The following ANKHD1 variants were observed in gnomAD, a reference collection of about 807,000 sequenced individuals.
The protein encoded by ANKHD1 is ankyrin repeat and KH domain containing 1, also known as ankyrin repeat and KH domain-containing protein 1.
Under a neutral mutation model 230.5 loss-of-function variants are expected in ANKHD1, and 31 were observed. That is an observed-to-expected ratio of 0.13 (90% CI 0.10 to 0.18). ANKHD1 has a LOEUF of 0.18. ANKHD1 is among the 10% of genes least tolerant of loss of function. The probability of loss-of-function intolerance (pLI) is 1.00; values close to 1 mark genes in which losing one functional copy is unlikely to be tolerated. For synonymous variants in ANKHD1, 1,074 were observed against 1,117.6 expected, an observed-to-expected ratio of 0.96 and a Z score of 0.78; for missense variants, 2,256 against 3,071.3, an observed-to-expected ratio of 0.73 and a Z score of 6.27.
intron 15 of ANKHD1, chr5:140,498,336 G>A (rs1265543647): frequency 2.0e-5 from 3 of 152,012 alleles, no homozygotes; most frequent in Non-Finnish European, 4.4e-5. Context: ...TAGTCTTCCT[G>A]ATCTTTACTG....
intron 1 of ANKHD1, among the ~76,000 whole-genome samples, chr5:140,419,139 CTT>C (rs369298829): frequency 3.4e-5 from 5 of 145,482 alleles, no homozygotes; most frequent in Non-Finnish European, 3.0e-5. Context: ...TCTTTTCTCT[CTT>C]TTTTTTTTTT....
chr5:140,470,601 C>A (rs1776417462), intron 10 of ANKHD1, among the ~76,000 whole-genome samples: 1 of 95,576 alleles, frequency 1.0e-5, no homozygotes, highest in Non-Finnish European at 2.3e-5. Flanking sequence ...TTTCTGTATA[C>A]TTGTTTCTGC....
intron 5 of ANKHD1, among the ~76,000 whole-genome samples, chr5:140,443,099 G>T (rs984492785): frequency 2.6e-5 from 4 of 151,640 alleles, no homozygotes; most frequent in Non-Finnish European, 4.4e-5. Flanking sequence ...TAGAGACGGG[G>T]TTTCACCGTG....
chr5:140,471,358 C>T (rs1776483214), intron 10 of ANKHD1, among the ~76,000 whole-genome samples: 1 of 152,072 alleles, frequency 6.6e-6, no homozygotes, highest in Non-Finnish European at 1.5e-5. Context: ...TTGATAGGTT[C>T]CATGTTGGAT....
At chr5:140,445,152 A>G (rs1774176480) in intron 5 of ANKHD1, among the ~76,000 whole-genome samples, 2 of 151,544 alleles carry the variant, frequency 1.3e-5, no homozygotes, top group Admixed American at 6.6e-5. Context: ...GAGCCATCGC[A>G]CCTGGCCAGA....
chr5:140,450,094 A>C (rs181711391), intron 7 of ANKHD1, among the ~76,000 whole-genome samples: 1 of 152,352 alleles, frequency 6.6e-6, no homozygotes, highest in East Asian at 1.9e-4. Flanking sequence ...GTGCAAATAC[A>C]AAGAAACTCA....
chr5:140,500,422 G>A (rs886322430), intron 15 of ANKHD1, among the ~76,000 whole-genome samples: 4 of 151,864 alleles, frequency 2.6e-5, no homozygotes, highest in African/African-American at 4.8e-5. Flanking sequence ...AGAGGCAGGC[G>A]GCGGATCACT....
intron 24 of ANKHD1, 40 bp downstream of exon 24, chr5:140,513,519 A>G: frequency 6.3e-7 from 1 of 1,582,666 alleles, no homozygotes; most frequent in Non-Finnish European, 8.6e-7. Flanking sequence ...GAAATTATTG[A>G]GGGTGGGGGC....
At chr5:140,434,601 AATC>A (rs1773302734) in intron 1 of ANKHD1, among the ~76,000 whole-genome samples, 1 of 151,760 alleles carries the variant, frequency 6.6e-6, no homozygotes, top group Admixed American at 6.6e-5. Flanking sequence ...GCAAAATAAG[AATC>A]ATACTGTTTT....
chr5:140,470,825 T>C (rs1030856092), intron 10 of ANKHD1, among the ~76,000 whole-genome samples: 9 of 151,812 alleles, frequency 5.9e-5, no homozygotes, highest in Admixed American at 3.3e-4. Context: ...CGGGGTTTCA[T>C]CATGTTGCCC....
intron 9 of ANKHD1, among the ~76,000 whole-genome samples, chr5:140,460,394 GAAAAT>G (rs1360673195): frequency 1.3e-5 from 2 of 151,834 alleles, no homozygotes; most frequent in African/African-American, 4.8e-5. Context: ...ATATGTAAAA[GAAAAT>G]AAAATATTTA....
chr5:140,503,653 C>T (rs1752417043), intron 15 of ANKHD1, among the ~76,000 whole-genome samples: 1 of 144,136 alleles, frequency 6.9e-6, no homozygotes, highest in Non-Finnish European at 1.5e-5. Context: ...CTGCAACCTC[C>T]GCCTCCCAGG....
At chr5:140,458,596 C>T (rs543629262) in intron 7 of ANKHD1, 29 bp from the exon 8 acceptor site, 3 of 1,568,398 alleles carry the variant, frequency 1.9e-6, no homozygotes, top group East Asian at 2.3e-5. Flanking sequence ...AATTTCTCTC[C>T]TTCTTTCTTT....
chr5:140,426,604 G>T (rs535000630), intron 1 of ANKHD1, among the ~76,000 whole-genome samples: 2,352 of 152,072 alleles, frequency 0.015, 34 homozygotes, highest in Non-Finnish European at 0.026. Flanking sequence ...GCGGAGGGAA[G>T]GTCAGCAGAT....
At position 140,507,580 on chromosome 5, in the gene ANKHD1, T is replaced by C. The variant is rs1028401198; in HGVS notation, c.3552-205T>C. On this transcript the variant is annotated intron_variant, in intron 19 of 33. Transcript: ENST00000360839. The surrounding 1 kb of genome is among the most constrained non-coding windows in gnomAD (Gnocchi z 4.1). ...CCTTGGCCTCCCAAAGTGCTGGGAT[T>C]ACAGGCATGAGCCACCATGTCTGGC... Among the ~76,000 whole-genome samples, 1 of 152,246 alleles carries C rather than the reference T, an allele frequency of 6.6e-6. No homozygotes were observed. Among genetic ancestry groups the C allele is most frequent in the Admixed American group, 6.5e-5 (1 of 15,294 alleles).
chr5:140,426,422 G>A (rs1188815865), intron 1 of ANKHD1, among the ~76,000 whole-genome samples: 5 of 152,174 alleles, frequency 3.3e-5, no homozygotes, highest in Non-Finnish European at 7.3e-5. Context: ...GAGCCACTGC[G>A]CCCAGCTGGG....
At chr5:140,458,520 C>T in intron 7 of ANKHD1, 105 bp from the exon 8 acceptor site, 1 of 1,223,314 alleles carries the variant, frequency 8.2e-7, no homozygotes, top group East Asian at 2.4e-5. Flanking sequence ...CTAATCTTGT[C>T]TTTTTTCTTC....
rs115552134 is a variant in ANKHD1, at chr5:140,507,021, C to T, written c.3551+44C>T. On this transcript the variant is annotated intron_variant, in intron 19 of 33. Coordinates refer to ENST00000360839, the MANE Select transcript of ANKHD1 (RefSeq NM_017747.3). This position sits in a 1 kb window ranked among gnomAD's most constrained non-coding sequence, Gnocchi z 4.1. ...ATTGTTCATGTTTAGTAAGTTACTA[C>T]TTTGGACTTAAATGTCTACCTCTTA... 3,060 of 1,600,320 alleles carry T rather than the reference C, an allele frequency of 1.9e-3. 5 individuals are homozygous for T. The highest frequency in any genetic ancestry group is 3.6e-3 in the Admixed American group (202 of 56,530).
chr5:140,498,700 G>A (rs1383262645), intron 15 of ANKHD1, among the ~76,000 whole-genome samples: 2 of 152,142 alleles, frequency 1.3e-5, no homozygotes, highest in Non-Finnish European at 2.9e-5. Flanking sequence ...TTTAGAATGT[G>A]AAGTATGATT....
Sources: allele counts gnomAD v4.1 joint callset (sites outside exome capture counted in the v4.1 genomes callset), GRCh38; gene constraint gnomAD v4.1.1; non-coding constraint Gnocchi (gnomAD v3.1); transcripts MANE v1.5; gene names NCBI Gene and HGNC (gene_info 2026-07-23, HGNC 2026-07-21).